The following CTDP1 variants were observed in gnomAD, a reference collection of about 807,000 sequenced individuals.
CTDP1 encodes the protein CTD phosphatase 1, also known as RNA polymerase II subunit A C-terminal domain phosphatase.
CTDP1 carries 47 observed loss-of-function variants against 91.8 expected under a neutral mutation model. That is an observed-to-expected ratio of 0.51 (90% CI 0.41 to 0.65). CTDP1 has a LOEUF of 0.65. CTDP1 is among the 30% of genes least tolerant of loss of function. CTDP1 has a pLI of 0.00. For synonymous variants in CTDP1, 656 were observed against 598.5 expected, an observed-to-expected ratio of 1.10 and a Z score of -1.40; for missense variants, 1,272 against 1,373.7, an observed-to-expected ratio of 0.93 and a Z score of 1.17.
intron 8 of CTDP1, among the ~76,000 whole-genome samples, chr18:79,717,228 C>T (rs559433282): frequency 6.8e-5 from 10 of 147,728 alleles, no homozygotes; most frequent in Admixed American, 2.0e-4. Flanking sequence ...GGGGTGCAGC[C>T]GAGTGAGGGC....
chr18:79,727,641 A>G (rs1040269869), intron 10 of CTDP1, among the ~76,000 whole-genome samples: 1 of 152,168 alleles, frequency 6.6e-6, no homozygotes, highest in Non-Finnish European at 1.5e-5. Flanking sequence ...TCTTCTCTCC[A>G]TTAGTAAATA....
At chr18:79,679,647 G>A (rs890222799), upstream of CTDP1, 9 of 507,908 alleles carry the variant, frequency 1.8e-5, no homozygotes, top group African/African-American at 1.5e-4. Context: ...GCGCTCCGAG[G>A]AAAAGTAGGT....
At chr18:79,691,328 C>T (rs1267563315) in intron 1 of CTDP1, among the ~76,000 whole-genome samples, 1 of 152,224 alleles carries the variant, frequency 6.6e-6, no homozygotes, top group African/African-American at 2.4e-5. Flanking sequence ...CTTACACTCG[C>T]TCTTAGACCT....
At chr18:79,700,107 T>C (rs902683403) in intron 4 of CTDP1, among the ~76,000 whole-genome samples, 1 of 152,182 alleles carries the variant, frequency 6.6e-6, no homozygotes, top group African/African-American at 2.4e-5. Flanking sequence ...CCATTCCCTG[T>C]CTCTGTCCCG....
chr18:79,754,626 G>A (rs1227774109), downstream of CTDP1: 1 of 152,310 alleles, frequency 6.6e-6, no homozygotes, highest in South Asian at 2.1e-4. Flanking sequence ...TGGAACGGCA[G>A]AAATGGAAAC....
intron 4 of CTDP1, chr18:79,703,526 A>C (rs1298771379): frequency 2.0e-5 from 3 of 152,272 alleles, no homozygotes; most frequent in Non-Finnish European, 4.4e-5. Flanking sequence ...TAGATGAAAG[A>C]AACTGTCTGA....
intron 1 of CTDP1, among the ~76,000 whole-genome samples, chr18:79,690,810 G>A (rs1022981299): frequency 2.6e-5 from 4 of 152,316 alleles, no homozygotes; most frequent in East Asian, 3.9e-4. Context: ...GTCCTGGGGT[G>A]GGGGGTGGAG....
chr18:79,729,103 G>A (rs2086512051), intron 11 of CTDP1, 34 bp downstream of exon 11: 1 of 1,611,554 alleles, frequency 6.2e-7, no homozygotes, highest in South Asian at 1.1e-5. Flanking sequence ...GCCCGCGCCA[G>A]CGCTCGTGCT....
chr18:79,681,633 A>G (rs958171543), intron 1 of CTDP1: 5 of 253,350 alleles, frequency 2.0e-5, no homozygotes, highest in Non-Finnish European at 3.1e-5. Context: ...GAGCTTGATG[A>G]CGGGTTCCCA....
chr18:79,679,035 C>G (rs544195349), upstream of CTDP1: 532 of 236,178 alleles, frequency 2.3e-3, 4 homozygotes, highest in African/African-American at 0.011. Context: ...GAAAGTGGCT[C>G]CTTTAGTAAG....
At chr18:79,734,381 G>A (rs2086625852) in intron 11 of CTDP1, among the ~76,000 whole-genome samples, 1 of 152,276 alleles carries the variant, frequency 6.6e-6, no homozygotes, top group Non-Finnish European at 1.5e-5. Context: ...GTTTACACGA[G>A]TCAGGCAGAA....
At chr18:79,718,694 T>C (rs2086271356) in intron 10 of CTDP1, among the ~76,000 whole-genome samples, 1 of 151,926 alleles carries the variant, frequency 6.6e-6, no homozygotes, top group Admixed American at 6.6e-5. Context: ...TGTGGGACAT[T>C]GTTGGAGATT....
intron 12 of CTDP1, 87 bp from the exon 13 acceptor site, chr18:79,753,565 G>T (rs1018771601): frequency 2.9e-5 from 47 of 1,604,768 alleles, no homozygotes; most frequent in Admixed American, 5.0e-5. Context: ...TAAAACCACG[G>T]AAGCCACTTC....
chr18:79,729,326 G>A (rs1480682723), intron 11 of CTDP1, among the ~76,000 whole-genome samples: 2 of 152,210 alleles, frequency 1.3e-5, no homozygotes, highest in Non-Finnish European at 2.9e-5. Context: ...TAGGATTCGT[G>A]CCTGCGTCTT....
intron 11 of CTDP1, among the ~76,000 whole-genome samples, chr18:79,730,526 C>T (rs554135326): frequency 2.1e-4 from 32 of 152,280 alleles, no homozygotes; most frequent in Admixed American, 2.1e-3. Flanking sequence ...TCAGCCACCC[C>T]AAAACCTAAT....
intron 4 of CTDP1, among the ~76,000 whole-genome samples, chr18:79,701,526 AAATT>A (rs1185042019): frequency 2.4e-5 from 2 of 82,082 alleles, no homozygotes; most frequent in African/African-American, 4.5e-5. Context: ...AATAATAAAT[AAATT>A]AAATAAATAA....
chr18:79,743,008 A>T (rs1026467532), intron 12 of CTDP1, among the ~76,000 whole-genome samples: 11 of 152,216 alleles, frequency 7.2e-5, no homozygotes, highest in Admixed American at 5.2e-4. Context: ...GGCCCATACC[A>T]TGTGGAGATG....
chr18:79,739,240 AAG>A (rs1472860337), intron 12 of CTDP1, among the ~76,000 whole-genome samples: 1 of 152,210 alleles, frequency 6.6e-6, no homozygotes, highest in Non-Finnish European at 1.5e-5. Flanking sequence ...CTTTTCCACT[AAG>A]ACCAGTCAGG....
At chr18:79,679,758 ACGCACGTACGCGGCGCC>A (rs2085313578), upstream of CTDP1, 1 of 531,914 alleles carries the variant, frequency 1.9e-6, no homozygotes, top group Non-Finnish European at 3.3e-6. Context: ...ACGCGCACGT[ACGCACGTACGCGGCGCC>A]CTTGCGTGAC....
Sources: allele counts gnomAD v4.1 joint callset (sites outside exome capture counted in the v4.1 genomes callset), GRCh38; gene constraint gnomAD v4.1.1; transcripts MANE v1.5; gene names NCBI Gene and HGNC (gene_info 2026-07-23, HGNC 2026-07-21).